SGMS1: variants seen among roughly 807,000 people sequenced by gnomAD.
SGMS1 encodes the protein sphingomyelin synthase 1, also known as phosphatidylcholine:ceramide cholinephosphotransferase 1.
Under a neutral mutation model 46.2 loss-of-function variants are expected in SGMS1, and 13 were observed. That is an observed-to-expected ratio of 0.28 (90% CI 0.18 to 0.45). The LOEUF is 0.45. SGMS1 is among the 20% of genes least tolerant of loss of function. The pLI is 1.00. For missense variants in SGMS1, 324 were observed against 519.9 expected, an observed-to-expected ratio of 0.62 and a Z score of 3.66; for synonymous variants, 203 against 187.8, an observed-to-expected ratio of 1.08 and a Z score of -0.66.
chr10:50,502,478 G>C (rs1837670136), intron 3 of SGMS1, among the ~76,000 whole-genome samples: 1 of 152,016 alleles, frequency 6.6e-6, no homozygotes, highest in Admixed American at 6.6e-5. Context: ...AAACTTACCA[G>C]CATGCTGACC....
intron 6 of SGMS1, among the ~76,000 whole-genome samples, chr10:50,417,410 C>T (rs905548425): frequency 9.1e-6 from 1 of 110,286 alleles, no homozygotes; most frequent in African/African-American, 3.3e-5. Context: ...ACAAAACAAA[C>T]ACAAAAATAA....
chr10:50,547,176 C>T (rs867584121), intron 2 of SGMS1, among the ~76,000 whole-genome samples: 41 of 152,098 alleles, frequency 2.7e-4, no homozygotes, highest in Middle Eastern at 3.2e-3. Context: ...ACGTACAAAT[C>T]ACAACATTTG....
intron 3 of SGMS1, among the ~76,000 whole-genome samples, chr10:50,500,224 C>T (rs1837651067): frequency 6.6e-6 from 1 of 152,080 alleles, no homozygotes; most frequent in Non-Finnish European, 1.5e-5. Flanking sequence ...TTGTAGATTT[C>T]CTGGGTATCT....
At chr10:50,337,600 A>C (rs1847736644) in intron 7 of SGMS1, among the ~76,000 whole-genome samples, 1 of 152,204 alleles carries the variant, frequency 6.6e-6, no homozygotes, top group South Asian at 2.1e-4. Context: ...AGTTTGATTC[A>C]ATCAACTTAA....
chr10:50,529,731 G>A (rs558469170), intron 2 of SGMS1, among the ~76,000 whole-genome samples: 18 of 152,142 alleles, frequency 1.2e-4, no homozygotes, highest in South Asian at 8.3e-4. Context: ...AAAATTTATC[G>A]TAGCATTGTG....
chr10:50,573,267 T>C (rs1020476556), intron 2 of SGMS1, among the ~76,000 whole-genome samples: 5 of 152,196 alleles, frequency 3.3e-5, no homozygotes, highest in Non-Finnish European at 7.4e-5. Flanking sequence ...ATAAAAGGTA[T>C]CCAATGTAAA....
chr10:50,559,320 T>C (rs1217391875), intron 2 of SGMS1, among the ~76,000 whole-genome samples: 1 of 152,184 alleles, frequency 6.6e-6, no homozygotes, highest in African/African-American at 2.4e-5. Flanking sequence ...CTGACCCAGC[T>C]GCCAGAGGCG....
At chr10:50,422,788 G>A (rs1331770094) in intron 6 of SGMS1, among the ~76,000 whole-genome samples, 1 of 152,166 alleles carries the variant, frequency 6.6e-6, no homozygotes, top group Admixed American at 6.5e-5. Flanking sequence ...TATGGCATTT[G>A]CATTATATGA....
intron 3 of SGMS1, among the ~76,000 whole-genome samples, chr10:50,491,201 G>C (rs556920718): frequency 3.9e-5 from 6 of 152,008 alleles, no homozygotes; most frequent in African/African-American, 1.2e-4. Context: ...AATTTAAAAA[G>C]AATACAGCTG....
intron 8 of SGMS1, among the ~76,000 whole-genome samples, chr10:50,317,372 A>C (rs1459241465): frequency 1.3e-5 from 2 of 152,212 alleles, no homozygotes; most frequent in Non-Finnish European, 1.5e-5. Context: ...GTGTTTTCCC[A>C]TCAGTTATCT....
intron 2 of SGMS1, among the ~76,000 whole-genome samples, chr10:50,555,418 G>A (rs1268059410): frequency 6.6e-6 from 1 of 152,130 alleles, no homozygotes; most frequent in Non-Finnish European, 1.5e-5. Flanking sequence ...AAGAAACAGG[G>A]CAGGACCTGG....
intron 6 of SGMS1, among the ~76,000 whole-genome samples, chr10:50,348,663 G>A (rs1847954977): frequency 6.6e-6 from 1 of 152,154 alleles, no homozygotes; most frequent in South Asian, 2.1e-4. Context: ...AAGGAAATAA[G>A]AGATGACACA....
intron 6 of SGMS1, among the ~76,000 whole-genome samples, chr10:50,381,479 TTTCGTGAATTTTCTC>T (rs1848604920): frequency 6.6e-6 from 1 of 152,146 alleles, no homozygotes; most frequent in Non-Finnish European, 1.5e-5. Flanking sequence ...AAAAAAATCC[TTTCGTGAATTTTCTC>T]TATCACTATT....
chr10:50,436,385 T>G (rs1849474122), intron 5 of SGMS1, among the ~76,000 whole-genome samples: 1 of 152,094 alleles, frequency 6.6e-6, no homozygotes, highest in Admixed American at 6.5e-5. Flanking sequence ...AACAACCAAC[T>G]TTTTTGAACC....
intron 2 of SGMS1, among the ~76,000 whole-genome samples, chr10:50,549,245 G>A (rs1254273965): frequency 3.3e-5 from 5 of 152,196 alleles, no homozygotes; most frequent in South Asian, 4.1e-4. Context: ...ACATGCACAC[G>A]TACATTCATT....
intron 6 of SGMS1, chr10:50,418,299 G>A (rs1256948473): frequency 6.6e-6 from 1 of 152,298 alleles, no homozygotes; most frequent in Non-Finnish European, 1.5e-5. Context: ...CGGCGCTGCG[G>A]AGCCCGGCGT....
Position 50,380,966 on chromosome 10 carries a change from G to T in SGMS1, c.-231-36621C>A, listed in dbSNP as rs190260938. Among the ~76,000 whole-genome samples, 31 of 150,936 alleles carry T rather than the reference G, an allele frequency of 2.1e-4. No homozygotes were observed. In the East Asian group the frequency reaches 5.8e-3, roughly 28 times the overall value. On this transcript the variant is annotated intron_variant, in intron 6 of 10. Coordinates refer to ENST00000361781, the MANE Select transcript of SGMS1 (RefSeq NM_147156.4). Reference sequence around the variant, plus strand: ...CCATCTCAGCCTCCTGAGTAGCTGGGACCACAAGCATGTGCCACCACACCT... The same window carrying T: ...CCATCTCAGCCTCCTGAGTAGCTGGTACCACAAGCATGTGCCACCACACCT...
At chr10:50,566,968 A>G (rs1393335755) in intron 2 of SGMS1, among the ~76,000 whole-genome samples, 1 of 151,574 alleles carries the variant, frequency 6.6e-6, no homozygotes, top group Non-Finnish European at 1.5e-5. Flanking sequence ...TGTTTTTGAG[A>G]CAGAGTCTCA....
intron 6 of SGMS1, among the ~76,000 whole-genome samples, chr10:50,414,052 G>C (rs1849135326): frequency 6.6e-6 from 1 of 152,156 alleles, no homozygotes; most frequent in Admixed American, 6.5e-5. Context: ...CTAAGGTGAA[G>C]ACGCCTATTG....
Sources: allele counts gnomAD v4.1 joint callset (sites outside exome capture counted in the v4.1 genomes callset), GRCh38; gene constraint gnomAD v4.1.1; transcripts MANE v1.5; gene names NCBI Gene and HGNC (gene_info 2026-07-23, HGNC 2026-07-21).